CALB1: variants seen among roughly 807,000 people sequenced by gnomAD.
The protein encoded by CALB1 is calbindin 1.
CALB1 carries 16 observed loss-of-function variants against 46.7 expected under a neutral mutation model. That is an observed-to-expected ratio of 0.34 (90% CI 0.23 to 0.52). The LOEUF is 0.52. Ranked by LOEUF, CALB1 falls within the 20% of genes least tolerant of loss-of-function variation. The pLI, the probability that CALB1 is intolerant of heterozygous loss-of-function variation, is 0.95. For missense variants in CALB1, 224 were observed against 300.3 expected (o/e 0.75, Z 1.88); for synonymous variants, 90 against 112.8 (o/e 0.80, Z 1.28).
chr8:90,069,340 G>C (rs574391084), intron 3 of CALB1, 103 bp from the exon 4 acceptor site: 73 of 847,782 alleles, frequency 8.6e-5, no homozygotes, highest in Admixed American at 7.4e-4. Flanking sequence ...TCCCTCACAG[G>C]CTAGAAAAGT....
intron 3 of CALB1, among the ~76,000 whole-genome samples, chr8:90,071,630 C>A (rs1482824564): frequency 6.6e-6 from 1 of 151,912 alleles, no homozygotes; most frequent in African/African-American, 2.4e-5. Context: ...AGATGGAAGA[C>A]AATAAAACAC....
intron 3 of CALB1, among the ~76,000 whole-genome samples, chr8:90,073,002 A>AAC (rs1554579159): frequency 3.6e-4 from 55 of 151,956 alleles, no homozygotes; most frequent in African/African-American, 1.2e-3. Context: ...AGGAAAAAAA[A>AAC]CCAACAACTT....
At chr8:90,078,647 T>A (rs1323531439) in intron 2 of CALB1, among the ~76,000 whole-genome samples, 200 bp from the exon 3 acceptor site, 1 of 152,040 alleles carries the variant, frequency 6.6e-6, no homozygotes, top group Non-Finnish European at 1.5e-5. Context: ...GTTGTAATCA[T>A]GATTATTTCT....
rs35368479 is a variant in CALB1, at chr8:90,070,837, AGTGTGTGTGTGTGTGTGTGTGT to A, written c.232-1622_232-1601del. On this transcript the variant is annotated intron_variant, in intron 3 of 10. Transcript: ENST00000265431. ...TACATAAACACATTTGCATCATTGCAGTGTGTGTGTGTGTGTGTGTGTGTGTGTGTGTGTGTGTGTGTGTGTT... is the reference window on the plus strand; with the variant it reads ...TACATAAACACATTTGCATCATTGCAGTGTGTGTGTGTGTGTGTGTGTGTT... Among the ~76,000 whole-genome samples, 13 of 121,748 alleles carry A rather than the reference AGTGTGTGTGTGTGTGTGTGTGT, an allele frequency of 1.1e-4. No homozygotes were observed. In the South Asian group the frequency reaches 3.3e-3, roughly 31 times the overall value. 79.9% of individuals were successfully genotyped at this position (121,748 alleles called of 152,430 possible).
intron 2 of CALB1, 142 bp downstream of exon 2, chr8:90,081,884 T>G (rs1297984799): frequency 2.2e-5 from 14 of 643,754 alleles, no homozygotes; most frequent in Non-Finnish European, 3.8e-5. Flanking sequence ...GTTGGAAAAG[T>G]GTTTTTTCTT....
intron 3 of CALB1, among the ~76,000 whole-genome samples, chr8:90,072,434 T>C (rs962262812): frequency 3.9e-5 from 6 of 152,242 alleles, no homozygotes; most frequent in African/African-American, 1.4e-4. Context: ...TCTGTTTTAA[T>C]TTCACTGAAC....
rs190041460 is a variant in CALB1 at position 90,081,696 on chromosome 8, T to C, written c.156+330A>G. On this transcript the variant is annotated intron_variant, in intron 2 of 10. Coordinates refer to ENST00000265431, the MANE Select transcript of CALB1 (RefSeq NM_004929.4). ...TGCAAGTACTAGTATAGAATATATA[T>C]ATATTTAAAGCTCCAGTTTCAGATA... 2.7e-4 allele frequency among the ~76,000 whole-genome samples: 41 copies of C among 152,218 alleles called. 1 individual carries two copies. Among genetic ancestry groups the C allele is most frequent in the African/African-American group, 9.6e-4 (40 of 41,522 alleles).
intron 9 of CALB1, 198 bp from the exon 10 acceptor site, chr8:90,060,898 A>T: frequency 1.8e-6 from 1 of 565,832 alleles, no homozygotes; most frequent in East Asian, 3.0e-5. Context: ...TTCTCATTCA[A>T]CACCTTACAT....
At position 90,082,784 on chromosome 8, in the gene CALB1, G is replaced by A; in HGVS notation, c.-87C>T. 7.7e-7 allele frequency: 1 copy of A among 1,297,552 alleles called. No individual in the cohort carries two copies. The highest frequency in any genetic ancestry group is 1.7e-5 in the Admixed American group (1 of 59,386). 80.4% of individuals were successfully genotyped at this position (1,297,552 alleles called of 1,614,324 possible). A position where few individuals can be genotyped will look rare whatever the true frequency, so the allele number is the denominator to read the frequency against. On this transcript the variant is annotated 5_prime_UTR_variant, in exon 1 of 11. Transcript: ENST00000265431. Reference sequence around the variant, plus strand: ...GAGTGAGCAAAAGCTCAGCGTGTGCGCGAGTCAGGGCTGCGGAGGGAGACC... The same window carrying A: ...GAGTGAGCAAAAGCTCAGCGTGTGCACGAGTCAGGGCTGCGGAGGGAGACC...
chr8:90,066,814 C>T (rs966937949), intron 5 of CALB1, among the ~76,000 whole-genome samples: 12 of 152,092 alleles, frequency 7.9e-5, no homozygotes, highest in South Asian at 2.1e-4. Context: ...GCTATTCATT[C>T]GTAACTCCTT....
intron 2 of CALB1, among the ~76,000 whole-genome samples, chr8:90,080,359 A>G (rs560035210): frequency 6.6e-6 from 1 of 152,108 alleles, no homozygotes; most frequent in South Asian, 2.1e-4. Context: ...TCTAAGCTGA[A>G]AATAGATTTC....
chr8:90,078,489 T>A (rs887657489), intron 2 of CALB1, 42 bp from the exon 3 acceptor site: 1 of 1,140,900 alleles, frequency 8.8e-7, no homozygotes, highest in Non-Finnish European at 1.3e-6. Context: ...GTTAAAAAAA[T>A]ACCAGTTATG....
intron 3 of CALB1, among the ~76,000 whole-genome samples, chr8:90,075,472 T>C (rs1258574772): frequency 3.3e-5 from 5 of 152,194 alleles, no homozygotes; most frequent in African/African-American, 1.2e-4. Context: ...TTATAAATTG[T>C]AGAAAACATA....
At chr8:90,067,487 G>A (rs1814423046) in intron 5 of CALB1, among the ~76,000 whole-genome samples, 3 of 152,124 alleles carry the variant, frequency 2.0e-5, no homozygotes, top group Admixed American at 2.0e-4. Flanking sequence ...AAACACAGTG[G>A]CTTAACTGTC....
At chr8:90,079,013 G>T (rs1029614728) in intron 2 of CALB1, among the ~76,000 whole-genome samples, 4 of 151,972 alleles carry the variant, frequency 2.6e-5, no homozygotes, top group Non-Finnish European at 5.9e-5. Context: ...AAATAGATTA[G>T]AGAGCTATGA....
intron 6 of CALB1, among the ~76,000 whole-genome samples, chr8:90,064,953 C>T (rs915183798): frequency 2.0e-5 from 3 of 151,756 alleles, no homozygotes; most frequent in African/African-American, 7.2e-5. Flanking sequence ...ATAATCAAAC[C>T]CTTTATTAGA....
chr8:90,073,969 C>A (rs1357884265), intron 3 of CALB1, among the ~76,000 whole-genome samples: 1 of 152,028 alleles, frequency 6.6e-6, no homozygotes, highest in Non-Finnish European at 1.5e-5. Context: ...CTTTTAAAGA[C>A]AATCATGGTA....
chr8:90,082,670 G>C lies in CALB1; in HGVS notation c.28C>G (p.Leu10Val), dbSNP rs150754549. ...TCGAAAAACTGTGAGGCTGTGATGAGGGATGACTGCAGGTGGGATTCTGCC... is the reference window on the plus strand; with the variant it reads ...TCGAAAAACTGTGAGGCTGTGATGACGGATGACTGCAGGTGGGATTCTGCC... MAESHLQSS[L>V]ITASQFFEIW... Residue 10 changes from leucine (L) to valine (V), a missense_variant, in exon 1 of 11, where the codon CTC becomes GTC. By Grantham distance (32) the Leu-to-Val change is conservative. Transcript: ENST00000265431. 7.6e-4 allele frequency: 1,231 copies of C among 1,614,128 alleles called. No homozygotes were observed. Among genetic ancestry groups the C allele is most frequent in the Non-Finnish European group, 9.4e-4 (1,110 of 1,179,966 alleles).
chr8:90,081,958 G>A (rs545701719), intron 2 of CALB1, 68 bp downstream of exon 2: 398 of 1,402,182 alleles, frequency 2.8e-4, no homozygotes, highest in Non-Finnish European at 3.4e-4. Context: ...GGCTTTTTGT[G>A]AAAACACAAG....
Sources: allele counts gnomAD v4.1 joint callset (sites outside exome capture counted in the v4.1 genomes callset), GRCh38; gene constraint gnomAD v4.1.1; transcripts MANE v1.5; gene names NCBI Gene and HGNC (gene_info 2026-07-23, HGNC 2026-07-21).